The following WWOX variants were observed in gnomAD, a reference collection of about 807,000 sequenced individuals.
WWOX encodes the protein WW domain-containing oxidoreductase.
A neutral mutation model predicts 46.2 loss-of-function variants in WWOX; 69 were observed. The ratio of observed to expected loss-of-function variants is 1.49; its 90% CI spans 1.23 to 1.82. The LOEUF is 1.82. Among genes scored for constraint, WWOX ranks in the 40% most tolerant of loss-of-function variants. The probability of loss-of-function intolerance (pLI) is 0.00; values close to 1 mark genes in which losing one functional copy is unlikely to be tolerated. For synonymous variants in WWOX, 359 were observed against 202.6 expected, an observed-to-expected ratio of 1.77 and a Z score of -6.56; for missense variants, 919 against 542.6, an observed-to-expected ratio of 1.69 and a Z score of -6.89.
At chr16:78,833,088 C>G (rs2051876397) in intron 8 of WWOX, among the ~76,000 whole-genome samples, 1 of 149,874 alleles carries the variant, frequency 6.7e-6, no homozygotes, top group African/African-American at 2.5e-5. Flanking sequence ...TTTGCCCAGG[C>G]TGCAGTGCAG....
intron 8 of WWOX, among the ~76,000 whole-genome samples, chr16:78,694,925 A>T (rs117877281): frequency 6.6e-6 from 1 of 152,122 alleles, no homozygotes; most frequent in East Asian, 1.9e-4. Context: ...TCAGTTTCCC[A>T]TAAATTAATA....
chr16:78,593,094 C>T (rs570431742), intron 8 of WWOX, among the ~76,000 whole-genome samples: 17 of 152,226 alleles, frequency 1.1e-4, no homozygotes, highest in Admixed American at 5.2e-4. Context: ...GAAATGACAA[C>T]GAATATTTGG....
intron 8 of WWOX, among the ~76,000 whole-genome samples, chr16:79,049,562 G>A (rs1402090767): frequency 6.6e-6 from 1 of 152,168 alleles, no homozygotes; most frequent in Admixed American, 6.5e-5. Context: ...GAGTGGCAGG[G>A]CGCAGTAGCT....
chr16:78,808,285 C>T (rs1028934623), intron 8 of WWOX, among the ~76,000 whole-genome samples: 5 of 152,154 alleles, frequency 3.3e-5, no homozygotes, highest in Admixed American at 6.5e-5. Context: ...ACTATGGATC[C>T]GTTTGCAACC....
chr16:78,247,022 T>A (rs1369826447), intron 5 of WWOX, among the ~76,000 whole-genome samples: 1 of 152,118 alleles, frequency 6.6e-6, no homozygotes, highest in East Asian at 1.9e-4. Context: ...CAAGAAAGAA[T>A]GGCACATCTT....
chr16:78,761,762 G>T (rs574645764), intron 8 of WWOX, among the ~76,000 whole-genome samples: 12 of 152,138 alleles, frequency 7.9e-5, no homozygotes, highest in African/African-American at 2.9e-4. Context: ...TTGGATTTAG[G>T]TATTAACCCC....
chr16:79,171,478 C>G (rs2050698040), intron 8 of WWOX, among the ~76,000 whole-genome samples: 1 of 152,156 alleles, frequency 6.6e-6, no homozygotes, highest in Admixed American at 6.5e-5. Flanking sequence ...TCATCTTTCA[C>G]ATCAGTTTGC....
intron 8 of WWOX, among the ~76,000 whole-genome samples, chr16:78,434,138 G>C (rs1356490805): frequency 3.3e-5 from 5 of 152,152 alleles, no homozygotes; most frequent in African/African-American, 1.2e-4. Flanking sequence ...GTGCTTAGGA[G>C]GAGGTAAGTA....
chr16:78,730,480 G>A (rs1214805537), intron 8 of WWOX, among the ~76,000 whole-genome samples: 1 of 151,948 alleles, frequency 6.6e-6, no homozygotes, highest in Non-Finnish European at 1.5e-5. Context: ...TGTTTTTTGA[G>A]ACAGAGTCTT....
intron 5 of WWOX, among the ~76,000 whole-genome samples, chr16:78,364,565 G>A (rs1236441352): frequency 9.6e-6 from 1 of 104,086 alleles, no homozygotes; most frequent in Non-Finnish European, 2.3e-5. Flanking sequence ...AAAAAAAATG[G>A]GAAAGAAAAA....
chr16:78,486,087 A>T (rs890895985), intron 8 of WWOX, among the ~76,000 whole-genome samples: 2 of 152,156 alleles, frequency 1.3e-5, no homozygotes, highest in Non-Finnish European at 2.9e-5. Flanking sequence ...CCTGGTGTCT[A>T]TGTGAGGGGG....
chr16:78,144,380 G>GAT (rs1187850473), intron 4 of WWOX, among the ~76,000 whole-genome samples: 1 of 138,870 alleles, frequency 7.2e-6, no homozygotes, highest in African/African-American at 2.7e-5. Flanking sequence ...TGGATAGCCT[G>GAT]ATAGCCTGAT....
intron 8 of WWOX, among the ~76,000 whole-genome samples, chr16:78,838,482 T>A (rs1409368183): frequency 1.3e-5 from 2 of 152,172 alleles, no homozygotes; most frequent in Non-Finnish European, 2.9e-5. Flanking sequence ...AAAAAGCCAA[T>A]CCCAAAAGAT....
intron 8 of WWOX, among the ~76,000 whole-genome samples, chr16:78,662,073 A>G (rs376771000): frequency 1.5e-4 from 23 of 149,872 alleles, no homozygotes; most frequent in South Asian, 8.5e-4. Flanking sequence ...TAGTAGTAGT[A>G]GTGGTGGTGG....
intron 8 of WWOX, among the ~76,000 whole-genome samples, chr16:79,085,264 C>T (rs1314843273): frequency 6.6e-6 from 1 of 152,112 alleles, no homozygotes; most frequent in African/African-American, 2.4e-5. Flanking sequence ...AAACCACCTT[C>T]TGGAGGTCTC....
rs867931862 is a variant in WWOX at position 78,799,597 on chromosome 16, C to G, written c.1056+366845C>G. ...GGTGAGGCTGTCAGAAGCCGAGGGA[C>G]TTGGCCAAGGTCACATGGCTTTGGA... On this transcript the variant is annotated intron_variant, in intron 8 of 8. Coordinates refer to ENST00000566780, the MANE Select transcript of WWOX (RefSeq NM_016373.4). Among the ~76,000 whole-genome samples the G allele has an allele frequency of 3.0e-5, 4 of 133,896 alleles. No homozygotes were observed. The East Asian group carries it at 9.1e-4, about 31-fold the overall frequency. The allele number at this position is 133,896 out of a possible 152,430, so 87.8% of individuals were successfully genotyped here.
intron 4 of WWOX, among the ~76,000 whole-genome samples, chr16:78,161,956 A>C (rs1597289160): frequency 6.6e-6 from 1 of 152,280 alleles, no homozygotes; most frequent in Admixed American, 6.5e-5. Context: ...AATTTTTGCT[A>C]TATATTTTAA....
At chr16:78,434,679 G>A (rs967654329) in intron 8 of WWOX, among the ~76,000 whole-genome samples, 4 of 152,156 alleles carry the variant, frequency 2.6e-5, no homozygotes, top group African/African-American at 4.8e-5. Flanking sequence ...GCATCAGAGA[G>A]TTCGTTTTCT....
At chr16:78,187,488 A>C (rs1045595368) in intron 5 of WWOX, among the ~76,000 whole-genome samples, 1 of 152,130 alleles carries the variant, frequency 6.6e-6, no homozygotes, top group African/African-American at 2.4e-5. Context: ...CCGTAGTCCC[A>C]CCTACTTGGG....
Sources: gnomAD v4.1 joint callset for allele counts (sites outside exome capture counted in the v4.1 genomes callset) on GRCh38, gnomAD v4.1.1 for gene constraint, MANE v1.5 for transcripts, NCBI Gene and HGNC (gene_info 2026-07-23, HGNC 2026-07-21) for gene names.